GPC6: variants seen among roughly 807,000 people sequenced by gnomAD.
GPC6 encodes glypican 6.
A neutral mutation model predicts 55.2 loss-of-function variants in GPC6; 14 were observed. The ratio of observed to expected loss-of-function variants is 0.25; its 90% CI spans 0.17 to 0.40. GPC6 has a LOEUF of 0.40. Among genes scored for constraint, GPC6 ranks in the 10% least tolerant of loss-of-function variants. The pLI, the probability that GPC6 is intolerant of heterozygous loss-of-function variation, is 1.00. For synonymous variants in GPC6, 278 were observed against 259.6 expected, an observed-to-expected ratio of 1.07 and a Z score of -0.68; for missense variants, 641 against 708.5, an observed-to-expected ratio of 0.90 and a Z score of 1.08.
chr13:93,904,144 A>G (rs776513115), intron 3 of GPC6, among the ~76,000 whole-genome samples: 18 of 152,154 alleles, frequency 1.2e-4, no homozygotes, highest in Non-Finnish European at 1.9e-4. Flanking sequence ...CAGAAAATGG[A>G]GCACAGCCAC....
intron 4 of GPC6, among the ~76,000 whole-genome samples, chr13:94,224,256 A>AATATATATATAT (rs59631105): frequency 5.1e-4 from 74 of 143,958 alleles, no homozygotes; most frequent in African/African-American, 1.5e-3. Context: ...ATCATCTTTA[A>AATATATATATAT]ATATATATAT....
At chr13:93,524,256 C>T (rs1423992846) in intron 1 of GPC6, among the ~76,000 whole-genome samples, 3 of 151,966 alleles carry the variant, frequency 2.0e-5, no homozygotes, top group Non-Finnish European at 1.5e-5. Context: ...CCACTCACCT[C>T]CTTAACCACA....
chr13:93,849,190 CT>C (rs1404839632), intron 3 of GPC6, among the ~76,000 whole-genome samples: 2 of 152,018 alleles, frequency 1.3e-5, no homozygotes, highest in East Asian at 1.9e-4. Context: ...TATTATATTA[CT>C]TTTTTTCTTT....
intron 8 of GPC6, among the ~76,000 whole-genome samples, chr13:94,399,996 G>C (rs935762803): frequency 1.3e-5 from 2 of 152,226 alleles, no homozygotes; most frequent in Non-Finnish European, 2.9e-5. Flanking sequence ...ATAAGAATTA[G>C]TTGGTTTGGC....
chr13:94,325,555 G>T (rs1877073554), intron 6 of GPC6, among the ~76,000 whole-genome samples: 1 of 152,176 alleles, frequency 6.6e-6, no homozygotes, highest in Admixed American at 6.5e-5. Flanking sequence ...CGGTTGAACT[G>T]ATGATTAGGA....
intron 1 of GPC6, among the ~76,000 whole-genome samples, chr13:93,500,330 A>G (rs1486440950): frequency 2.0e-5 from 3 of 152,172 alleles, no homozygotes; most frequent in South Asian, 2.1e-4. Flanking sequence ...AAGAGAGTGT[A>G]GAGACCTGGA....
chr13:93,563,339 G>A (rs1370091372), intron 2 of GPC6, among the ~76,000 whole-genome samples: 1 of 152,110 alleles, frequency 6.6e-6, no homozygotes, highest in South Asian at 2.1e-4. Flanking sequence ...CACCAACAGC[G>A]ATCCAACCAA....
At chr13:93,730,334 A>C (rs1230808371) in intron 2 of GPC6, among the ~76,000 whole-genome samples, 2 of 152,210 alleles carry the variant, frequency 1.3e-5, no homozygotes, top group African/African-American at 4.8e-5. Context: ...TATAAATAGC[A>C]CTGGATGGAA....
chr13:94,201,448 A>T (rs1889744899), intron 4 of GPC6, among the ~76,000 whole-genome samples: 1 of 152,162 alleles, frequency 6.6e-6, no homozygotes, highest in African/African-American at 2.4e-5. Context: ...GGCCACTATT[A>T]TACAGAAAAC....
At chr13:93,670,858 A>G (rs1242096957) in intron 2 of GPC6, among the ~76,000 whole-genome samples, 1 of 152,188 alleles carries the variant, frequency 6.6e-6, no homozygotes, top group Non-Finnish European at 1.5e-5. Flanking sequence ...TGTGAGATCA[A>G]TTTTTAAATG....
intron 1 of GPC6, among the ~76,000 whole-genome samples, chr13:93,339,126 T>C (rs903773436): frequency 4.6e-5 from 7 of 152,184 alleles, no homozygotes; most frequent in African/African-American, 1.7e-4. Flanking sequence ...TCTGTATACC[T>C]AGCAGAGTGA....
At chr13:94,141,463 T>C (rs1401949090) in intron 4 of GPC6, among the ~76,000 whole-genome samples, 2 of 152,116 alleles carry the variant, frequency 1.3e-5, no homozygotes, top group Non-Finnish European at 2.9e-5. Flanking sequence ...TCCATTTCGT[T>C]AGTCTGATGA....
intron 2 of GPC6, among the ~76,000 whole-genome samples, chr13:93,792,400 TC>T (rs1454325773): frequency 5.3e-5 from 8 of 152,234 alleles, no homozygotes; most frequent in Admixed American, 3.3e-4. Flanking sequence ...AGCCTCCGCC[TC>T]CCAGGCTCAA....
At chr13:93,951,790 A>T (rs1470631337) in intron 3 of GPC6, among the ~76,000 whole-genome samples, 1 of 151,998 alleles carries the variant, frequency 6.6e-6, no homozygotes, top group Non-Finnish European at 1.5e-5. Context: ...AAAATCTTGA[A>T]TTTTTTTTAT....
At chr13:93,684,872 T>G (rs1394873052) in intron 2 of GPC6, among the ~76,000 whole-genome samples, 2 of 152,328 alleles carry the variant, frequency 1.3e-5, no homozygotes, top group African/African-American at 4.8e-5. Context: ...ATAATTTATC[T>G]GCATGTAGGA....
chr13:93,673,741 T>C (rs1245021232), intron 2 of GPC6, among the ~76,000 whole-genome samples: 1 of 152,196 alleles, frequency 6.6e-6, no homozygotes, highest in African/African-American at 2.4e-5. Context: ...AAGTTATCTA[T>C]AAACAGAATA....
chr13:93,962,423 A>G (rs970345643), intron 3 of GPC6, among the ~76,000 whole-genome samples: 2 of 152,008 alleles, frequency 1.3e-5, no homozygotes, highest in Non-Finnish European at 1.5e-5. Flanking sequence ...AAAAATATAT[A>G]TATATTTTTT....
At chr13:93,767,201 C>A (rs1056426651) in intron 2 of GPC6, among the ~76,000 whole-genome samples, 2 of 152,006 alleles carry the variant, frequency 1.3e-5, no homozygotes, top group Non-Finnish European at 2.9e-5. Flanking sequence ...TAGATAATTT[C>A]GGCTGCTTAT....
chr13:94,136,506 C>G (rs905310428), intron 4 of GPC6, among the ~76,000 whole-genome samples: 4 of 152,086 alleles, frequency 2.6e-5, no homozygotes, highest in African/African-American at 9.7e-5. Context: ...GTCAGGAGAT[C>G]GAGACCATCC....
Sources: gnomAD v4.1 joint callset for allele counts (sites outside exome capture counted in the v4.1 genomes callset) on GRCh38, gnomAD v4.1.1 for gene constraint, MANE v1.5 for transcripts, NCBI Gene and HGNC (gene_info 2026-07-23, HGNC 2026-07-21) for gene names.